GPRIN3: variants seen among roughly 807,000 people sequenced by gnomAD.
GPRIN3 encodes the protein GPRIN family member 3.
GPRIN3 carries 12 observed loss-of-function variants against 13.7 expected under a neutral mutation model. That is an observed-to-expected ratio of 0.87 (90% CI 0.56 to 1.42). GPRIN3 has a LOEUF of 1.42. Among genes scored for constraint, GPRIN3 ranks in the 40% most tolerant of loss-of-function variants. GPRIN3 has a pLI of 0.00. For missense variants in GPRIN3, 1,009 were observed against 958.7 expected, an observed-to-expected ratio of 1.05 and a Z score of -0.69; for synonymous variants, 377 against 372.7, an observed-to-expected ratio of 1.01 and a Z score of -0.13.
chr4:89,301,514 C>T (rs774010988), intron 1 of GPRIN3, among the ~76,000 whole-genome samples: 32 of 152,174 alleles, frequency 2.1e-4, no homozygotes, highest in Admixed American at 6.5e-5. Flanking sequence ...ACAAACACTT[C>T]ACTCCCTCAG....
intron 1 of GPRIN3, among the ~76,000 whole-genome samples, chr4:89,289,658 A>T (rs1389617680): frequency 6.6e-6 from 1 of 152,134 alleles, no homozygotes; most frequent in Non-Finnish European, 1.5e-5. Context: ...TGGGGACTTG[A>T]TCCCAGGTCT....
rs1388671837 is a variant in GPRIN3 at position 89,248,487 on chromosome 4, A to G, written c.1624T>C (p.Ser542Pro). 2 of 1,612,474 alleles carry G rather than the reference A, an allele frequency of 1.2e-6. No homozygotes were observed. The highest frequency in any genetic ancestry group is 1.7e-6 in the Non-Finnish European group (2 of 1,179,308). ...KGDAREKKPA[S>P]PQVVKEKEST... is the part of the protein sequence containing the mutation. ...TCTTTTTCTTTTACTACCTGAGGAG[A>G]TGCAGGCTTCTTTTCCCTTGCATCT... Residue 542 changes from serine to proline, a missense_variant, in exon 2 of 2, where the codon TCT (serine) becomes CCT (proline). By Grantham distance (74) the Ser-to-Pro change is moderately conservative (BLOSUM62 -1). Transcript: ENST00000609438.
chr4:89,293,768 G>A lies in GPRIN3; in HGVS notation c.-124+13847C>T, dbSNP rs1359900426. On this transcript the variant is annotated intron_variant, in intron 1 of 1. Coordinates refer to ENST00000609438, the MANE Select transcript of GPRIN3 (RefSeq NM_198281.3). Reference sequence around the variant, plus strand: ...ACTTTAGCTCCATACCAGATGTGACGTGAAAGCGACTGCAAAGCTCCCACA... The same window carrying A: ...ACTTTAGCTCCATACCAGATGTGACATGAAAGCGACTGCAAAGCTCCCACA... Among the ~76,000 whole-genome samples the A allele has an allele frequency of 3.3e-5, 5 of 152,126 alleles. No individual in the cohort carries two copies. The East Asian group carries it at 5.8e-4, about 18-fold the overall frequency.
chr4:89,261,122 T>C (rs1290497100), intron 1 of GPRIN3, among the ~76,000 whole-genome samples: 1 of 152,178 alleles, frequency 6.6e-6, no homozygotes, highest in South Asian at 2.1e-4. Flanking sequence ...GTATTTAATA[T>C]GATCAAGAGG....
Position 89,249,470 on chromosome 4 carries a change from G to C in GPRIN3, c.641C>G (p.Ser214Cys). 2 of 1,614,092 alleles carry C rather than the reference G, an allele frequency of 1.2e-6. No homozygotes were observed. The highest frequency in any genetic ancestry group is 1.1e-5 in the South Asian group (1 of 91,078). ...TAARVVSHSSSPVGGPEGERQ... is the reference protein window; with the variant it reads ...TAARVVSHSSCPVGGPEGERQ... ...TTCCCCTTCAGGTCCACCTACAGGA[G>C]AGGATGAGTGACTGACCACCCTGGC... Residue 214 changes from serine (S) to cysteine (C), a missense_variant, in exon 2 of 2, where the codon TCT becomes TGT. Physicochemically the swap from Ser to Cys is moderately radical, Grantham distance 112. Coordinates refer to ENST00000609438, the MANE Select transcript of GPRIN3 (RefSeq NM_198281.3).
In GPRIN3 at chr4:89,248,056, C is replaced by G. The variant is rs752224589; in HGVS notation, c.2055G>C (p.Val685=). The G allele has an allele frequency of 6.2e-7, 1 of 1,614,152 alleles. No individual in the cohort carries two copies. The highest frequency in any genetic ancestry group is 1.3e-5 in the African/African-American group (1 of 75,070). The part of the protein sequence containing the change: ...LKQSKRVRDV[V]WDEQGMTWEV... ...CCCAGGTCATTCCCTGCTCATCCCA[C>G]ACGACGTCCCTGACACGCTTGGACT... The change falls in exon 2 of 2, where the codon GTG becomes GTC. Residue 685 remains valine (V), a synonymous_variant. Coordinates refer to ENST00000609438, the MANE Select transcript of GPRIN3 (RefSeq NM_198281.3).
intron 1 of GPRIN3, among the ~76,000 whole-genome samples, chr4:89,264,904 C>T (rs1034080970): frequency 6.6e-6 from 1 of 152,182 alleles, no homozygotes; most frequent in Admixed American, 6.5e-5. Context: ...GGAATGCAAG[C>T]TTCAAGGGGG....
At chr4:89,268,316 G>A (rs1006463241) in intron 1 of GPRIN3, among the ~76,000 whole-genome samples, 1 of 152,158 alleles carries the variant, frequency 6.6e-6, no homozygotes, top group Non-Finnish European at 1.5e-5. Flanking sequence ...TTACAGAAGT[G>A]GCATTGGCAG....
chr4:89,248,758 A>C lies in GPRIN3; in HGVS notation c.1353T>G (p.Thr451=). ...AGMTPVREES[T]AKKLAGTNSS... ...AATTAGTACCTGCGAGCTTTTTAGCAGTTGACTCTTCCCTCACTGGAGTCA... is the reference window on the plus strand; with the variant it reads ...AATTAGTACCTGCGAGCTTTTTAGCCGTTGACTCTTCCCTCACTGGAGTCA... The change falls in exon 2 of 2, where the codon ACT becomes ACG. Residue 451 remains threonine (T), a synonymous_variant. Coordinates refer to ENST00000609438, the MANE Select transcript of GPRIN3 (RefSeq NM_198281.3). 6.2e-7 allele frequency: 1 copy of C among 1,614,174 alleles called. No homozygotes were observed. The highest frequency in any genetic ancestry group is 8.5e-7 in the Non-Finnish European group (1 of 1,180,030).
chr4:89,277,269 C>T (rs921586842), intron 1 of GPRIN3, among the ~76,000 whole-genome samples: 9 of 152,058 alleles, frequency 5.9e-5, no homozygotes, highest in Non-Finnish European at 8.8e-5. Flanking sequence ...GCTAAATTCG[C>T]GAGAAAACTG....
Position 89,249,030 on chromosome 4 carries a change from T to G in GPRIN3, c.1081A>C (p.Ile361Leu). 12 of 1,614,138 alleles carry G rather than the reference T, an allele frequency of 7.4e-6. No homozygotes were observed. Among genetic ancestry groups the G allele is most frequent in the Non-Finnish European group, 1.0e-5 (12 of 1,180,022 alleles). ...GTGTGGCTCCCACTGCTGTGGCAAA[T>G]GACACGCAGCTGCTCTTGTTCAAAA... ...EHFEQEQLRV[I>L]CHSSGSHTLE... Residue 361 changes from isoleucine (I) to leucine (L), a missense_variant, in exon 2 of 2, where the codon ATT becomes CTT. By Grantham distance (5) the Ile-to-Leu change is conservative (BLOSUM62 2). Coordinates refer to ENST00000609438, the MANE Select transcript of GPRIN3 (RefSeq NM_198281.3).
At chr4:89,261,618 T>A (rs569405078) in intron 1 of GPRIN3, among the ~76,000 whole-genome samples, 1 of 152,332 alleles carries the variant, frequency 6.6e-6, no homozygotes, top group East Asian at 1.9e-4. Context: ...GACTCTGCAA[T>A]TCCACCTCAG....
intron 1 of GPRIN3, among the ~76,000 whole-genome samples, chr4:89,254,321 C>T (rs982503902): frequency 6.6e-5 from 10 of 151,874 alleles, no homozygotes; most frequent in Admixed American, 3.3e-4. Flanking sequence ...CAGATTATTT[C>T]ATCACCCAGT....
chr4:89,282,932 T>C (rs1724293484), intron 1 of GPRIN3, among the ~76,000 whole-genome samples: 1 of 152,226 alleles, frequency 6.6e-6, no homozygotes, highest in African/African-American at 2.4e-5. Context: ...ACTAATTTGA[T>C]GACTTGCCAC....
At chr4:89,289,951 T>C (rs988327181) in intron 1 of GPRIN3, among the ~76,000 whole-genome samples, 3 of 151,994 alleles carry the variant, frequency 2.0e-5, no homozygotes, top group African/African-American at 7.2e-5. Flanking sequence ...TTTTGAAACA[T>C]TGCTTCCCAT....
intron 1 of GPRIN3, among the ~76,000 whole-genome samples, chr4:89,257,479 T>C (rs934237376): frequency 5.9e-5 from 9 of 152,208 alleles, no homozygotes; most frequent in African/African-American, 2.2e-4. Context: ...ACTTATTTCT[T>C]GCTTTCTCTA....
intron 1 of GPRIN3, among the ~76,000 whole-genome samples, chr4:89,259,928 C>T (rs894028560): frequency 2.6e-5 from 4 of 152,160 alleles, no homozygotes; most frequent in African/African-American, 9.7e-5. Flanking sequence ...CCTCAGCCTC[C>T]TGAGCAGCTG....
chr4:89,261,091 G>A (rs186826592), intron 1 of GPRIN3, among the ~76,000 whole-genome samples: 119 of 152,240 alleles, frequency 7.8e-4, no homozygotes, highest in African/African-American at 2.7e-3. Flanking sequence ...TTAGAGTGGA[G>A]AATCCTAAGC....
At chr4:89,257,805 C>T (rs1723510503) in intron 1 of GPRIN3, among the ~76,000 whole-genome samples, 1 of 152,080 alleles carries the variant, frequency 6.6e-6, no homozygotes, top group Non-Finnish European at 1.5e-5. Flanking sequence ...TAGGAACATT[C>T]CTTTAAACCC....
Sources: allele counts gnomAD v4.1 joint callset (sites outside exome capture counted in the v4.1 genomes callset), GRCh38; gene constraint gnomAD v4.1.1; transcripts MANE v1.5; gene names NCBI Gene and HGNC (gene_info 2026-07-23, HGNC 2026-07-21).